Variants in KIF6 observed in about 807,000 individuals in gnomAD.
The protein encoded by KIF6 is kinesin-like protein KIF6.
KIF6 carries 106 observed loss-of-function variants against 112.7 expected under a neutral mutation model. The observed-to-expected ratio is 0.94, with a 90% CI of 0.80 to 1.11. The LOEUF is 1.11. KIF6 is among the 50% of genes least tolerant of loss of function. KIF6 has a pLI of 0.00. For synonymous variants in KIF6, 339 were observed against 339.9 expected (o/e 1.00, Z 0.03); for missense variants, 929 against 964.0 (o/e 0.96, Z 0.48).
Position 39,492,486 on chromosome 6 carries a change from C to T in KIF6, c.1645+47517G>A, listed in dbSNP as rs180949915. Among the ~76,000 whole-genome samples, 30 of 152,254 alleles carry T rather than the reference C, an allele frequency of 2.0e-4. No homozygotes were observed. The South Asian group carries it at 2.7e-3, about 14-fold the overall frequency. On this transcript the variant is annotated intron_variant, in intron 13 of 22. Coordinates refer to ENST00000287152, the MANE Select transcript of KIF6 (RefSeq NM_145027.6). ...AATACAGATCACTTCTTACGGAACA[C>T]AAGGGATGCCCCAAAGACTGCAACC...
intron 13 of KIF6, among the ~76,000 whole-genome samples, chr6:39,473,351 C>A (rs1017149285): frequency 6.6e-6 from 1 of 151,920 alleles, no homozygotes; most frequent in Non-Finnish European, 1.5e-5. Context: ...TGCGACAAAA[C>A]CTTTTAAGAG....
intron 3 of KIF6, among the ~76,000 whole-genome samples, chr6:39,700,433 G>T (rs1025613680): frequency 2.0e-5 from 3 of 152,174 alleles, no homozygotes; most frequent in African/African-American, 7.2e-5. Context: ...TTTCTAAAAA[G>T]ATTTAACCCT....
chr6:39,589,417 G>A (rs141783321), intron 7 of KIF6, among the ~76,000 whole-genome samples: 14 of 151,828 alleles, frequency 9.2e-5, no homozygotes, highest in African/African-American at 2.9e-4. Context: ...GGCCAGAGAC[G>A]TTGTCTCTCT....
intron 3 of KIF6, among the ~76,000 whole-genome samples, chr6:39,655,803 T>A (rs1450945003): frequency 1.3e-5 from 2 of 152,182 alleles, no homozygotes; most frequent in African/African-American, 2.4e-5. Context: ...AAACTGACAA[T>A]ACAACACTAT....
chr6:39,373,335 T>G (rs1181420068), intron 16 of KIF6, among the ~76,000 whole-genome samples: 2 of 152,212 alleles, frequency 1.3e-5, no homozygotes, highest in African/African-American at 4.8e-5. Context: ...TGAGTAAATA[T>G]GGCTAGAGCA....
chr6:39,698,706 G>C (rs1788694472), intron 3 of KIF6, among the ~76,000 whole-genome samples: 1 of 152,136 alleles, frequency 6.6e-6, no homozygotes, highest in African/African-American at 2.4e-5. Flanking sequence ...AGCAAATAAA[G>C]AATTCAGCCA....
intron 4 of KIF6, 80 bp downstream of exon 4, chr6:39,639,530 G>A: frequency 8.7e-7 from 1 of 1,149,888 alleles, no homozygotes; most frequent in Non-Finnish European, 1.2e-6. Flanking sequence ...TAAAATACAT[G>A]TCATAATAAA....
At chr6:39,679,507 G>T (rs1182632320) in intron 3 of KIF6, among the ~76,000 whole-genome samples, 1 of 151,822 alleles carries the variant, frequency 6.6e-6, no homozygotes, top group Non-Finnish European at 1.5e-5. Flanking sequence ...TTTTGAACAT[G>T]TCATTCTCTC....
At chr6:39,542,933 G>T (rs928302544) in intron 12 of KIF6, among the ~76,000 whole-genome samples, 1 of 152,152 alleles carries the variant, frequency 6.6e-6, no homozygotes, top group African/African-American at 2.4e-5. Context: ...TTTTGAATAA[G>T]AGTGTCAGAT....
chr6:39,383,213 G>A (rs1290734459), intron 16 of KIF6, among the ~76,000 whole-genome samples: 1 of 152,014 alleles, frequency 6.6e-6, no homozygotes, highest in Non-Finnish European at 1.5e-5. Context: ...ATTTGCTTTT[G>A]GGGTCTTCAT....
In KIF6 at chr6:39,446,585, C is replaced by T. The variant is rs1374876751; in HGVS notation, c.1646-15424G>A. Among the ~76,000 whole-genome samples, 4 of 152,256 alleles carry T rather than the reference C, an allele frequency of 2.6e-5. No homozygotes were observed. In the East Asian group the frequency reaches 7.7e-4, roughly 29 times the overall value. On this transcript the variant is annotated intron_variant, in intron 13 of 22. Transcript: ENST00000287152. ...CTTGGCTCACTGCAACCTCCACTTC[C>T]CAGGTTCAAGCAATTCTCCTGCCTC...
intron 9 of KIF6, among the ~76,000 whole-genome samples, chr6:39,584,256 T>C (rs1482371648): frequency 6.6e-6 from 1 of 151,108 alleles, no homozygotes. Flanking sequence ...ACCCCGTCTC[T>C]ACTAAAATAC....
At chr6:39,470,573 TC>T in intron 13 of KIF6, among the ~76,000 whole-genome samples, 1 of 152,220 alleles carries the variant, frequency 6.6e-6, no homozygotes, top group South Asian at 2.1e-4. Context: ...CCTTTCATAC[TC>T]CCCGGGTGAT....
chr6:39,385,414 T>G (rs886307613), intron 16 of KIF6, among the ~76,000 whole-genome samples: 3 of 152,066 alleles, frequency 2.0e-5, no homozygotes, highest in Non-Finnish European at 4.4e-5. Context: ...TGCTGGGTGC[T>G]GATGGCCAGG....
chr6:39,528,285 C>A (rs886163083), intron 13 of KIF6, among the ~76,000 whole-genome samples: 1 of 152,110 alleles, frequency 6.6e-6, no homozygotes, highest in African/African-American at 2.4e-5. Context: ...TCACAAATGG[C>A]AAAAAGTCTT....
chr6:39,714,477 T>C (rs1309661357), intron 3 of KIF6, among the ~76,000 whole-genome samples: 2 of 152,220 alleles, frequency 1.3e-5, no homozygotes, highest in Non-Finnish European at 2.9e-5. Flanking sequence ...CTAGTCTATT[T>C]TGCTGCGTTA....
intron 13 of KIF6, among the ~76,000 whole-genome samples, chr6:39,490,747 A>G (rs758956611): frequency 3.9e-5 from 6 of 152,206 alleles, no homozygotes; most frequent in Non-Finnish European, 7.3e-5. Flanking sequence ...TCTACTAGCC[A>G]TTAAAGACTA....
At chr6:39,517,772 A>G (rs764752559) in intron 13 of KIF6, among the ~76,000 whole-genome samples, 1 of 152,232 alleles carries the variant, frequency 6.6e-6, no homozygotes, top group Non-Finnish European at 1.5e-5. Flanking sequence ...CATCTACTGT[A>G]TATTGAAACT....
rs1243394299 is a variant in KIF6 at position 39,639,667 on chromosome 6, G to A, written c.342C>T (p.Tyr114=). 6.2e-7 allele frequency: 1 copy of A among 1,611,250 alleles called. No homozygotes were observed. Among genetic ancestry groups the A allele is most frequent in the East Asian group, 2.2e-5 (1 of 44,704 alleles). The change falls in exon 4 of 23, where the codon TAC becomes TAT. Residue 114 remains tyrosine, a synonymous_variant. Transcript: ENST00000287152. ...TCCTTGGGATAATGCCTCTGTCACT[G>A]TAACGCTCTGCACCCCCTGTGATAG... ...TFTITGGAER[Y]SDRGIIPRTL...
Sources: allele counts gnomAD v4.1 joint callset (sites outside exome capture counted in the v4.1 genomes callset), GRCh38; gene constraint gnomAD v4.1.1; transcripts MANE v1.5; gene names NCBI Gene and HGNC (gene_info 2026-07-23, HGNC 2026-07-21).